The following DNAJB1 variants were observed in gnomAD, a reference collection of about 807,000 sequenced individuals.
DNAJB1 encodes dnaJ homolog subfamily B member 1.
DNAJB1 carries 14 observed loss-of-function variants against 24.0 expected under a neutral mutation model. That is an observed-to-expected ratio of 0.58 (90% CI 0.39 to 0.91). The LOEUF (loss-of-function observed/expected upper bound fraction) is 0.91, where lower values mean the gene tolerates loss of function less well. Among genes scored for constraint, DNAJB1 ranks in the 40% least tolerant of loss-of-function variants. The pLI is 0.00. For synonymous variants in DNAJB1, 262 were observed against 174.4 expected (o/e 1.50, Z -3.96); for missense variants, 517 against 458.1 (o/e 1.13, Z -1.17).
chr19:14,529,789 A>G (rs1453013764), upstream of DNAJB1: 6 of 1,601,942 alleles, frequency 3.7e-6, no homozygotes, highest in East Asian at 2.2e-5. Context: ...ACGGGACCCC[A>G]CTTTCTGGTC....
At chr19:14,548,293 A>G (rs1391950356) in intron 1 of DNAJB1, among the ~76,000 whole-genome samples, 5 of 152,012 alleles carry the variant, frequency 3.3e-5, no homozygotes, top group Admixed American at 3.3e-4. Flanking sequence ...CATGTCCAAA[A>G]TGGAGCTTCT....
At chr19:14,549,770 C>T (rs998168891) in intron 1 of DNAJB1, among the ~76,000 whole-genome samples, 2 of 151,934 alleles carry the variant, frequency 1.3e-5, no homozygotes, top group African/African-American at 4.8e-5. Flanking sequence ...TGGTGAAACC[C>T]CATCTCTACT....
At chr19:14,538,936 G>A (rs1168123571) in intron 1 of DNAJB1, among the ~76,000 whole-genome samples, 1 of 151,466 alleles carries the variant, frequency 6.6e-6, no homozygotes, top group Non-Finnish European at 1.5e-5. Flanking sequence ...AGATGCCAGT[G>A]CCTCAGTTTT....
chr19:14,549,565 G>T (rs979509489), intron 1 of DNAJB1, among the ~76,000 whole-genome samples: 66 of 151,980 alleles, frequency 4.3e-4, no homozygotes, highest in Admixed American at 4.3e-3. Context: ...GGGCTCAAGT[G>T]ATCCTCCTGC....
At chr19:14,551,953 CT>C, upstream of DNAJB1, among the ~76,000 whole-genome samples, 1 of 110,650 alleles carries the variant, frequency 9.0e-6, no homozygotes, top group Admixed American at 9.1e-5. Flanking sequence ...CTCCCTCTCT[CT>C]CTCTCTCTCT....
In DNAJB1 at chr19:14,518,232, C is replaced by A. The variant is rs555433458; in HGVS notation, c.118G>T (p.Gly40Cys). 11 of 1,609,696 alleles carry A rather than the reference C, an allele frequency of 6.8e-6. No homozygotes were observed. The South Asian group carries it at 1.2e-4, about 18-fold the overall frequency. Residue 40 changes from glycine (G) to cysteine (C), a missense_variant, in exon 1 of 3, where the codon GGC (glycine) becomes TGC (cysteine). Coordinates refer to ENST00000254322, the MANE Select transcript of DNAJB1 (RefSeq NM_006145.3). ...ATCTCCTTGAACTTCTCCTCGGCGC[C>A]GGGCTCCTTGTTCTTGTCCGGGTGG... Reference protein sequence around the residue: ...RYHPDKNKEPGAEEKFKEIAE... With the variant: ...RYHPDKNKEPCAEEKFKEIAE...
At chr19:14,540,802 T>A (rs1402671377) in intron 1 of DNAJB1, among the ~76,000 whole-genome samples, 1 of 152,206 alleles carries the variant, frequency 6.6e-6, no homozygotes, top group Non-Finnish European at 1.5e-5. Flanking sequence ...TAGCTGGGAC[T>A]GCAGGTGTGT....
At chr19:14,516,387 A>G (rs1399504155) in intron 2 of DNAJB1, 79 bp downstream of exon 2, 2 of 1,478,664 alleles carry the variant, frequency 1.4e-6, no homozygotes, top group Non-Finnish European at 9.2e-7. Context: ...ACACCCCAAC[A>G]CATTGGTTCA....
chr19:14,527,142 C>T (rs2072439899), intron 2 of DNAJB1, among the ~76,000 whole-genome samples: 5 of 145,042 alleles, frequency 3.4e-5, no homozygotes, highest in Admixed American at 2.8e-4. Flanking sequence ...AAAACTCAAA[C>T]TGCCACCAGA....
At chr19:14,522,938 G>A (rs1238228560), upstream of DNAJB1, among the ~76,000 whole-genome samples, 1 of 152,156 alleles carries the variant, frequency 6.6e-6, no homozygotes, top group African/African-American at 2.4e-5. Flanking sequence ...ATTAGGCCGG[G>A]TGCGGTGGCT....
At chr19:14,529,442 G>A, upstream of DNAJB1, 5 of 626,410 alleles carry the variant, frequency 8.0e-6, no homozygotes, top group Non-Finnish European at 1.4e-5. Flanking sequence ...CCCTTCGATT[G>A]GTCTCGCAAG....
At position 14,516,505 on chromosome 19, in the gene DNAJB1, G is replaced by A. The variant is rs762757827; in HGVS notation, c.753C>T (p.Gly251=). ...TCCTGGCAGGATAAATGACATCAGAGCCATCTCTCTTAAAGATATTGTGGG... is the reference window on the plus strand; with the variant it reads ...TCCTGGCAGGATAAATGACATCAGAACCATCTCTCTTAAAGATATTGTGGG... ...DKPHNIFKRD[G]SDVIYPARIS... is the part of the protein sequence containing the mutation. Residue 251 remains glycine, a synonymous_variant, in exon 2 of 3, where the codon GGC becomes GGT. Coordinates refer to ENST00000254322, the MANE Select transcript of DNAJB1 (RefSeq NM_006145.3). 2.5e-6 allele frequency: 4 copies of A among 1,613,976 alleles called. No homozygotes were observed. Among genetic ancestry groups the A allele is most frequent in the Admixed American group, 3.3e-5 (2 of 60,004 alleles).
intron 1 of DNAJB1, 113 bp from the exon 2 acceptor site, chr19:14,517,159 C>CCT (rs2072283408): frequency 1.8e-6 from 2 of 1,113,748 alleles, no homozygotes; most frequent in South Asian, 3.2e-5. Flanking sequence ...TTTTGTCTGT[C>CCT]AGGGGAGAGC....
intron 1 of DNAJB1, chr19:14,517,333 G>A (rs1022064228): frequency 8.1e-6 from 3 of 370,782 alleles, no homozygotes; most frequent in Non-Finnish European, 1.5e-5. Flanking sequence ...CCATCCTCCT[G>A]GCAACATCAC....
intron 1 of DNAJB1, among the ~76,000 whole-genome samples, chr19:14,540,755 T>C (rs1346152955): frequency 6.6e-6 from 1 of 152,140 alleles, no homozygotes; most frequent in African/African-American, 2.4e-5. Flanking sequence ...CCTCGAACTC[T>C]TGATCTTAAG....
At chr19:14,557,933 T>A (rs1320687105) in intron 1 of DNAJB1, among the ~76,000 whole-genome samples, 1 of 151,670 alleles carries the variant, frequency 6.6e-6, no homozygotes, top group Non-Finnish European at 1.5e-5. Context: ...TTTTTTGTAT[T>A]TTTAGTAGAG....
At chr19:14,535,252 A>T (rs1395947593) in intron 1 of DNAJB1, among the ~76,000 whole-genome samples, 1 of 151,762 alleles carries the variant, frequency 6.6e-6, no homozygotes, top group Non-Finnish European at 1.5e-5. Flanking sequence ...TCATGCCTGT[A>T]ATCCCAGCAC....
chr19:14,545,651 G>A (rs1009809776), intron 1 of DNAJB1: 2 of 194,392 alleles, frequency 1.0e-5, no homozygotes, highest in African/African-American at 4.7e-5. Flanking sequence ...GACGCAGCAA[G>A]GGGCACAGTC....
intron 1 of DNAJB1, among the ~76,000 whole-genome samples, chr19:14,547,856 C>CT (rs2073357489): frequency 6.6e-6 from 1 of 150,798 alleles, no homozygotes; most frequent in Non-Finnish European, 1.5e-5. Flanking sequence ...GAAATGGGGT[C>CT]TTGCGATGTT....
Sources: gnomAD v4.1 joint callset for allele counts (sites outside exome capture counted in the v4.1 genomes callset) on GRCh38, gnomAD v4.1.1 for gene constraint, MANE v1.5 for transcripts, NCBI Gene and HGNC (gene_info 2026-07-23, HGNC 2026-07-21) for gene names.